Variants in DNAH17 observed in about 807,000 individuals in gnomAD.
DNAH17 encodes axonemal beta dynein heavy chain 17.
In DNAH17, 376 loss-of-function variants were observed where a neutral mutation model predicts 485.6. The ratio of observed to expected loss-of-function variants is 0.77; its 90% CI spans 0.71 to 0.84. The LOEUF (loss-of-function observed/expected upper bound fraction) is 0.84, where lower values mean the gene tolerates loss of function less well. DNAH17 is among the 40% of genes least tolerant of loss of function. DNAH17 has a pLI of 0.00. For missense variants in DNAH17, 6,370 were observed against 5,839.3 expected (o/e 1.09, Z -2.96); for synonymous variants, 3,031 against 2,405.9 (o/e 1.26, Z -7.60).
chr17:78,567,131 C>T lies in DNAH17; in HGVS notation c.1320G>A (p.Leu440=). 6.2e-7 allele frequency: 1 copy of T among 1,609,164 alleles called. No homozygotes were observed. The highest frequency in any genetic ancestry group is 8.5e-7 in the Non-Finnish European group (1 of 1,177,768). Residue 440 remains leucine, a synonymous_variant, in exon 10 of 81, where the codon CTG becomes CTA. Coordinates refer to ENST00000389840, the MANE Select transcript of DNAH17 (RefSeq NM_173628.4). The part of the protein sequence containing the change: ...LYKTAIEFLK[L]EKIELGGVRG... The stretch of plus-strand genomic sequence containing the variant: ...GCACGCCCCCAAGCTCGATTTTCTC[C>T]AGCTTCAGAAACTCAATTGCTGTTT...
chr17:78,501,576 C>CA (rs2090291468), intron 34 of DNAH17, 166 bp downstream of exon 34: 5 of 1,084,760 alleles, frequency 4.6e-6, no homozygotes, highest in Non-Finnish European at 6.5e-6. Context: ...GTGTGTTGCT[C>CA]ACCAGGGGTG....
At chr17:78,560,477 T>G (rs1300684987) in intron 13 of DNAH17, among the ~76,000 whole-genome samples, 2 of 141,018 alleles carry the variant, frequency 1.4e-5, no homozygotes, top group African/African-American at 2.5e-5. Flanking sequence ...GCAAAGACTT[T>G]TTCCCCCCCC....
chr17:78,526,226 C>T (rs1022946034), intron 24 of DNAH17, among the ~76,000 whole-genome samples: 4 of 152,148 alleles, frequency 2.6e-5, no homozygotes, highest in African/African-American at 9.7e-5. Flanking sequence ...GGCTGCTGCC[C>T]GATGTGGTGG....
Position 78,484,901 on chromosome 17 carries a change from G to A in DNAH17, c.7616C>T (p.Thr2539Ile). The A allele has an allele frequency of 6.3e-7, 1 of 1,587,680 alleles. No individual in the cohort carries two copies. Among genetic ancestry groups the A allele is most frequent in the South Asian group, 1.1e-5 (1 of 87,530 alleles). The part of the protein sequence containing the change: ...VDKYGTVAPH[T>I]LIRQHMDHRH... ...GTGGTCCATGTGCTGCCGGATGAGG[G>A]TGTGCGGGGCCACCGTCCCATACTT... is the stretch of plus-strand genomic sequence containing the variant. Residue 2539 changes from threonine to isoleucine, a missense_variant, in exon 48 of 81, where the codon ACC becomes ATC. Transcript: ENST00000389840.
chr17:78,429,677 C>T (rs2086606793), intron 75 of DNAH17, among the ~76,000 whole-genome samples: 1 of 152,206 alleles, frequency 6.6e-6, no homozygotes. Flanking sequence ...GCTCCCTCTG[C>T]CTCTCCCACT....
chr17:78,523,737 C>G (rs1322178248), intron 25 of DNAH17, among the ~76,000 whole-genome samples: 1 of 152,194 alleles, frequency 6.6e-6, no homozygotes, highest in Non-Finnish European at 1.5e-5. Context: ...AAGATTCCAT[C>G]TCTACATAGA....
At chr17:78,483,555 A>G (rs2089444909) in intron 48 of DNAH17, among the ~76,000 whole-genome samples, 1 of 152,144 alleles carries the variant, frequency 6.6e-6, no homozygotes. Context: ...GCTGGAACCC[A>G]GGAGGCAGAG....
intron 2 of DNAH17, among the ~76,000 whole-genome samples, chr17:78,573,557 C>T (rs1193536338): frequency 6.7e-6 from 1 of 149,686 alleles, no homozygotes; most frequent in Non-Finnish European, 1.5e-5. Flanking sequence ...TGAGATCACA[C>T]CATTGCCCTC....
At position 78,500,543 on chromosome 17, in the gene DNAH17, C is replaced by G. The variant is rs2090246467; in HGVS notation, c.5484-82G>C. On this transcript the variant is annotated intron_variant, in intron 35 of 80. Transcript: ENST00000389840. Reference sequence around the variant, plus strand: ...TATTTTTTTGAGACAGAGTCTCACTCTGTCACCCAGGCTGGAGTGCAGTGG... The same window carrying G: ...TATTTTTTTGAGACAGAGTCTCACTGTGTCACCCAGGCTGGAGTGCAGTGG... The G allele has an allele frequency of 1.7e-5, 24 of 1,378,620 alleles. No homozygotes were observed. The East Asian group carries it at 5.7e-4, about 33-fold the overall frequency. 85.4% of individuals were successfully genotyped at this position (1,378,620 alleles called of 1,614,324 possible). A position where few individuals can be genotyped will look rare whatever the true frequency, so the allele number is the denominator to read the frequency against.
In DNAH17 at chr17:78,437,812, G is replaced by A; in HGVS notation, c.11862C>T (p.Tyr3954=). ...GGTAGTCCTCATGGCTGCCCGTGCT[G>A]TAGTGCTCCAGCTTCTTGTCCAGTG... ...LGTLDKKLEH[Y]STGSHEDYRV... is the part of the protein sequence containing the mutation. Residue 3954 remains tyrosine (Y), a synonymous_variant, in exon 74 of 81, where the codon TAC becomes TAT. Coordinates refer to ENST00000389840, the MANE Select transcript of DNAH17 (RefSeq NM_173628.4). The A allele has an allele frequency of 1.2e-6, 2 of 1,612,462 alleles. No homozygotes were observed. Among genetic ancestry groups the A allele is most frequent in the South Asian group, 2.2e-5 (2 of 91,068 alleles).
At chr17:78,537,241 A>G in intron 19 of DNAH17, 58 bp downstream of exon 19, 1 of 1,513,474 alleles carries the variant, frequency 6.6e-7, no homozygotes, top group South Asian at 1.2e-5. Flanking sequence ...GGGCGGCAAC[A>G]CCAAATGGGG....
At chr17:78,504,516 C>T (rs909284294) in intron 31 of DNAH17, among the ~76,000 whole-genome samples, 5 of 151,208 alleles carry the variant, frequency 3.3e-5, no homozygotes, top group Non-Finnish European at 1.5e-5. Flanking sequence ...GAGCAGGCCA[C>T]GTGTGTGCTG....
rs2090046538 is a variant in DNAH17 at position 78,495,730 on chromosome 17, G to T, written c.5903+145C>A. On this transcript the variant is annotated intron_variant, in intron 38 of 80. Transcript: ENST00000389840. ...TGACATTACAGAAGTGAGTTACTGT[G>T]CCCGGCCATCTTGGGAGCTTTTGAT... 12 of 973,274 alleles carry T rather than the reference G, an allele frequency of 1.2e-5. No individual in the cohort carries two copies. In the South Asian group the frequency reaches 1.9e-4, roughly 15 times the overall value. The allele number at this position is 973,274 out of a possible 1,614,324, so 60.3% of individuals were successfully genotyped here. A position where few individuals can be genotyped will look rare whatever the true frequency, so the allele number is the denominator to read the frequency against.
rs148428990 is a variant in DNAH17 at position 78,561,018 on chromosome 17, C to G, written c.1836-83G>C. 7.7e-5 allele frequency: 106 copies of G among 1,376,804 alleles called. No individual in the cohort carries two copies. The East Asian group carries it at 2.7e-3, about 35-fold the overall frequency. The allele number at this position is 1,376,804 out of a possible 1,614,324, so 85.3% of individuals were successfully genotyped here. The stretch of plus-strand genomic sequence containing the variant: ...GCACGTCCCATCGTTGCTGCCCGAT[C>G]TGGGGTGCCGAAGCGGCCGGCCACC... On this transcript the variant is annotated intron_variant, in intron 12 of 80. Coordinates refer to ENST00000389840, the MANE Select transcript of DNAH17 (RefSeq NM_173628.4).
In DNAH17 at chr17:78,551,616, C is replaced by G. The variant is rs955548844; in HGVS notation, c.2310G>C (p.Glu770Asp). 6.2e-7 allele frequency: 1 copy of G among 1,613,926 alleles called. No homozygotes were observed. Among genetic ancestry groups the G allele is most frequent in the Non-Finnish European group, 8.5e-7 (1 of 1,179,870 alleles). ...NGEGVFQYIQ[E>D]VREILHNLQN... ...GCAAGTTGTGCAGAATTTCTCGCAC[C>G]TCTTGAATGTACTGAAACACACCTA... The change falls in exon 16 of 81, where the codon GAG becomes GAC. Residue 770 changes from glutamate to aspartate, a missense_variant. Glu to Asp is a conservative substitution (Grantham distance 45). Coordinates refer to ENST00000389840, the MANE Select transcript of DNAH17 (RefSeq NM_173628.4).
intron 14 of DNAH17, among the ~76,000 whole-genome samples, chr17:78,556,391 A>T (rs2092024343): frequency 6.6e-6 from 1 of 152,216 alleles, no homozygotes; most frequent in African/African-American, 2.4e-5. Context: ...AGCCCAGCGG[A>T]TGCCTTGACT....
intron 31 of DNAH17, 157 bp from the exon 32 acceptor site, chr17:78,503,168 CCTTTTTTTTT>C: frequency 6.1e-6 from 2 of 325,602 alleles, no homozygotes; most frequent in Non-Finnish European, 5.1e-6. Flanking sequence ...CAGTGACACA[CCTTTTTTTTT>C]TTTTTTTTTT....
rs78023288 is a variant in DNAH17, at chr17:78,424,004, T to C, written c.13291A>G (p.Ile4431Val). 6,005 of 1,614,026 alleles carry C rather than the reference T, an allele frequency of 3.7e-3. 254 individuals carry two copies. In the East Asian group the frequency reaches 0.096, roughly 26 times the overall value. Residue 4431 changes from isoleucine to valine, a missense_variant, in exon 81 of 81, where the codon ATC (isoleucine) becomes GTC (valine). By Grantham distance (29) the Ile-to-Val change is conservative (BLOSUM62 3). Coordinates refer to ENST00000389840, the MANE Select transcript of DNAH17 (RefSeq NM_173628.4). ...GTCCAGACATAGGTGGGGCCGCGGA[T>C]GCGTGTTTTGTACACGGGACACTCA... ...IYECPVYKTR[I>V]RGPTYVWTFN...
chr17:78,449,286 T>G (rs561156182), intron 69 of DNAH17, 128 bp downstream of exon 69: 8 of 966,332 alleles, frequency 8.3e-6, no homozygotes, highest in Admixed American at 4.9e-5. Context: ...GGTATATTGC[T>G]AAAATGCGGG....
Sources: gnomAD v4.1 joint callset for allele counts (sites outside exome capture counted in the v4.1 genomes callset) on GRCh38, gnomAD v4.1.1 for gene constraint, MANE v1.5 for transcripts, NCBI Gene and HGNC (gene_info 2026-07-23, HGNC 2026-07-21) for gene names.